SUGCT: variants seen among roughly 807,000 people sequenced by gnomAD.
SUGCT encodes succinyl-CoA:glutarate-CoA transferase, also known as succinyl-CoA:glutarate CoA-transferase.
A neutral mutation model predicts 55.0 loss-of-function variants in SUGCT; 41 were observed. The observed-to-expected ratio is 0.74, with a 90% CI of 0.58 to 0.97. The LOEUF (loss-of-function observed/expected upper bound fraction) is 0.97. SUGCT is among the 50% of genes least tolerant of loss of function. The pLI is 0.00. For missense variants in SUGCT, 568 were observed against 547.8 expected, an observed-to-expected ratio of 1.04 and a Z score of -0.37; for synonymous variants, 187 against 200.4, an observed-to-expected ratio of 0.93 and a Z score of 0.56.
chr7:40,484,542 C>T (rs1453442616), intron 11 of SUGCT, among the ~76,000 whole-genome samples: 2 of 152,084 alleles, frequency 1.3e-5, no homozygotes, highest in African/African-American at 2.4e-5. Flanking sequence ...AATGAGTCTA[C>T]CCTACTGAAT....
At chr7:40,371,943 C>T (rs1356927484) in intron 9 of SUGCT, among the ~76,000 whole-genome samples, 2 of 145,300 alleles carry the variant, frequency 1.4e-5, no homozygotes, top group East Asian at 4.9e-4. Context: ...ATATACATCT[C>T]GAACACACAC....
chr7:40,341,240 G>A (rs1026199268), intron 9 of SUGCT, among the ~76,000 whole-genome samples: 1 of 152,124 alleles, frequency 6.6e-6, no homozygotes, highest in Non-Finnish European at 1.5e-5. Context: ...ATGGAGAAAA[G>A]CATCCTGTTT....
intron 12 of SUGCT, among the ~76,000 whole-genome samples, chr7:40,552,964 C>T (rs545846088): frequency 1.2e-4 from 19 of 152,272 alleles, no homozygotes; most frequent in African/African-American, 4.1e-4. Flanking sequence ...GTTTGAGATG[C>T]TTCTGGCCAT....
the SUGCT span, among the ~76,000 whole-genome samples, chr7:40,945,193 C>T: frequency 1.3e-5 from 2 of 152,004 alleles, no homozygotes; most frequent in Admixed American, 1.3e-4. Context: ...GGAGAGTCCT[C>T]AGTGAAACAC....
chr7:40,519,260 G>T (rs1793403764), intron 12 of SUGCT, among the ~76,000 whole-genome samples: 2 of 152,232 alleles, frequency 1.3e-5, no homozygotes, highest in Non-Finnish European at 2.9e-5. Context: ...GTGATCCTGA[G>T]TTAGATCCTG....
At chr7:40,823,403 A>G (rs1792131188) in intron 13 of SUGCT, among the ~76,000 whole-genome samples, 1 of 152,100 alleles carries the variant, frequency 6.6e-6, no homozygotes, top group Non-Finnish European at 1.5e-5. Context: ...TTTTCATTTA[A>G]AAATAGATCC....
At chr7:40,731,376 A>G (rs1786879699) in intron 12 of SUGCT, among the ~76,000 whole-genome samples, 1 of 152,214 alleles carries the variant, frequency 6.6e-6, no homozygotes, top group African/African-American at 2.4e-5. Flanking sequence ...ACTAGTCCAC[A>G]ATTATTTTAG....
chr7:40,531,231 G>A (rs1025132466), intron 12 of SUGCT, among the ~76,000 whole-genome samples: 15 of 152,152 alleles, frequency 9.9e-5, no homozygotes, highest in African/African-American at 3.6e-4. Context: ...GTAGGATTTA[G>A]GGGAGATCAT....
the SUGCT span, among the ~76,000 whole-genome samples, chr7:40,898,678 C>A: frequency 3.3e-5 from 5 of 151,616 alleles, no homozygotes; most frequent in African/African-American, 1.2e-4. Context: ...GAGCAGAGAT[C>A]GCGCCGCGAG....
At chr7:40,476,675 G>A (rs1477732612) in intron 11 of SUGCT, among the ~76,000 whole-genome samples, 4 of 151,664 alleles carry the variant, frequency 2.6e-5, no homozygotes, top group South Asian at 4.2e-4. Flanking sequence ...ATTTTTTTTG[G>A]CATTTAGGGC....
At chr7:40,402,090 A>T (rs1281127891) in intron 9 of SUGCT, among the ~76,000 whole-genome samples, 4 of 152,010 alleles carry the variant, frequency 2.6e-5, no homozygotes, top group Non-Finnish European at 4.4e-5. Flanking sequence ...ACTATTCTAA[A>T]TGTCTTTACC....
intron 3 of SUGCT, among the ~76,000 whole-genome samples, chr7:40,184,469 C>T (rs73312989): frequency 1.3e-5 from 2 of 151,538 alleles, no homozygotes; most frequent in African/African-American, 4.9e-5. Context: ...GAGTCTCACT[C>T]TGTGAGCCAC....
chr7:40,135,567 T>G (rs1787637972), intron 1 of SUGCT, among the ~76,000 whole-genome samples: 1 of 152,268 alleles, frequency 6.6e-6, no homozygotes, highest in Admixed American at 6.5e-5. Flanking sequence ...GAGGATGAAA[T>G]TTAGCTTTAC....
chr7:40,743,409 G>T (rs1787567098), intron 12 of SUGCT, among the ~76,000 whole-genome samples: 2 of 152,186 alleles, frequency 1.3e-5, no homozygotes, highest in South Asian at 4.1e-4. Context: ...AAAAAATTCA[G>T]TAAATGTTAA....
intron 1 of SUGCT, chr7:40,153,679 G>A (rs776903496): frequency 1.9e-6 from 1 of 514,100 alleles, no homozygotes; most frequent in Non-Finnish European, 3.9e-6. Flanking sequence ...ACTACTTAAT[G>A]TTTTCACGTT....
At chr7:40,381,983 G>A (rs757524626) in intron 9 of SUGCT, among the ~76,000 whole-genome samples, 3 of 151,894 alleles carry the variant, frequency 2.0e-5, no homozygotes, top group Non-Finnish European at 4.4e-5. Context: ...TGGAGTAAAT[G>A]TGATTCCTAC....
At chr7:40,866,347 C>T in the SUGCT span, among the ~76,000 whole-genome samples, 1 of 151,902 alleles carries the variant, frequency 6.6e-6, no homozygotes, top group Non-Finnish European at 1.5e-5. Flanking sequence ...TCCAGCTGTT[C>T]CTGATGGAAG....
chr7:40,303,028 AT>A (rs372801168), intron 8 of SUGCT, among the ~76,000 whole-genome samples: 3 of 151,662 alleles, frequency 2.0e-5, no homozygotes, highest in Admixed American at 1.3e-4. Context: ...CAAGAAAGCC[AT>A]TTTTTTTCTT....
intron 9 of SUGCT, among the ~76,000 whole-genome samples, chr7:40,355,628 G>A (rs1186708918): frequency 6.6e-6 from 1 of 152,148 alleles, no homozygotes; most frequent in Non-Finnish European, 1.5e-5. Context: ...AATTTTAAGT[G>A]ATTAAATTAA....
Sources: gnomAD v4.1 joint callset for allele counts (sites outside exome capture counted in the v4.1 genomes callset) on GRCh38, gnomAD v4.1.1 for gene constraint, MANE v1.5 for transcripts, NCBI Gene and HGNC (gene_info 2026-07-23, HGNC 2026-07-21) for gene names.